The following ACOXL variants were observed in gnomAD, a reference collection of about 807,000 sequenced individuals.
The protein encoded by ACOXL is acyl-CoA oxidase like, also known as acyl-coenzyme A oxidase-like protein.
Under a neutral mutation model 71.9 loss-of-function variants are expected in ACOXL, and 70 were observed. That is an observed-to-expected ratio of 0.97 (90% CI 0.80 to 1.19). The LOEUF (loss-of-function observed/expected upper bound fraction) is 1.19. ACOXL is among the 50% of genes most tolerant of loss of function. ACOXL has a pLI of 0.00. For synonymous variants in ACOXL, 253 were observed against 281.6 expected (o/e 0.90, Z 1.02); for missense variants, 703 against 736.3 (o/e 0.95, Z 0.52).
chr2:110,771,552 A>G (rs963382335), intron 2 of ACOXL, among the ~76,000 whole-genome samples: 1 of 152,262 alleles, frequency 6.6e-6, no homozygotes, highest in African/African-American at 2.4e-5. Context: ...TCCGCAGGCC[A>G]AGAATAAACC....
At chr2:111,027,004 C>T (rs1035161375) in intron 14 of ACOXL, among the ~76,000 whole-genome samples, 1 of 151,966 alleles carries the variant, frequency 6.6e-6, no homozygotes, top group African/African-American at 2.4e-5. Context: ...TCAGGTGATA[C>T]TTCCACTTCA....
intron 1 of ACOXL, among the ~76,000 whole-genome samples, chr2:110,751,936 T>TA (rs1679022944): frequency 6.6e-6 from 1 of 152,180 alleles, no homozygotes; most frequent in African/African-American, 2.4e-5. Flanking sequence ...AGATGACTCT[T>TA]AATTAGCCAT....
intron 16 of ACOXL, among the ~76,000 whole-genome samples, chr2:111,084,004 G>A (rs1450636181): frequency 6.6e-6 from 1 of 151,886 alleles, no homozygotes; most frequent in Non-Finnish European, 1.5e-5. Context: ...AAACAGAAAT[G>A]TCATTCTGAC....
At chr2:110,803,029 G>A (rs1365098005) in intron 8 of ACOXL, among the ~76,000 whole-genome samples, 3 of 151,846 alleles carry the variant, frequency 2.0e-5, no homozygotes, top group African/African-American at 7.3e-5. Flanking sequence ...ACAAAATAAA[G>A]CAAAAAGAAA....
chr2:110,802,334 G>C (rs867563117), intron 8 of ACOXL, among the ~76,000 whole-genome samples: 4 of 152,162 alleles, frequency 2.6e-5, no homozygotes, highest in African/African-American at 9.7e-5. Flanking sequence ...AGGGGTTAAT[G>C]ATGCTTTTCA....
intron 14 of ACOXL, among the ~76,000 whole-genome samples, chr2:111,001,554 T>C (rs573187479): frequency 1.3e-5 from 2 of 152,172 alleles, no homozygotes; most frequent in African/African-American, 4.8e-5. Flanking sequence ...GTGCCCTTAT[T>C]AAGGAACTTC....
At position 110,850,938 on chromosome 2, in the gene ACOXL, A is replaced by G. The variant is rs137881334; in HGVS notation, c.788+9533A>G. On this transcript the variant is annotated intron_variant, in intron 10 of 17. Coordinates refer to ENST00000439055, the MANE Select transcript of ACOXL (RefSeq NM_001142807.4). ...TGTCCTTCCATTGGGAAGTGGGTAA[A>G]CAGACTGTGTCACTTCCATACAGTG... is the stretch of plus-strand genomic sequence containing the variant. Among the ~76,000 whole-genome samples the G allele has an allele frequency of 7.2e-5, 11 of 152,332 alleles. No individual in the cohort carries two copies. In the East Asian group the frequency reaches 2.1e-3, roughly 29 times the overall value.
intron 13 of ACOXL, among the ~76,000 whole-genome samples, chr2:110,995,518 A>AAAAAAAAAAAT (rs56805162): frequency 6.6e-6 from 1 of 150,462 alleles, no homozygotes; most frequent in African/African-American, 2.4e-5. Flanking sequence ...AAAAAAAAAA[A>AAAAAAAAAAAT]GAATTGTATA....
intron 5 of ACOXL, among the ~76,000 whole-genome samples, chr2:110,796,509 C>G (rs986453130): frequency 6.6e-6 from 1 of 152,176 alleles, no homozygotes; most frequent in African/African-American, 2.4e-5. Flanking sequence ...AGTGACAAAC[C>G]TCCTTTCCCA....
At chr2:110,996,729 C>T (rs983453454) in intron 14 of ACOXL, among the ~76,000 whole-genome samples, 12 of 152,186 alleles carry the variant, frequency 7.9e-5, no homozygotes, top group African/African-American at 2.9e-4. Context: ...TCTCCCCTTC[C>T]AGTTCACCCC....
At chr2:111,017,658 C>T (rs1055768744) in intron 14 of ACOXL, among the ~76,000 whole-genome samples, 1 of 152,226 alleles carries the variant, frequency 6.6e-6, no homozygotes, top group African/African-American at 2.4e-5. Flanking sequence ...GCAGTGCTAA[C>T]TCCAGCCTGC....
At chr2:110,746,037 C>A (rs555539773) in intron 1 of ACOXL, among the ~76,000 whole-genome samples, 1 of 152,260 alleles carries the variant, frequency 6.6e-6, no homozygotes, top group South Asian at 2.1e-4. Flanking sequence ...TAAGTCTCTT[C>A]TCTGTATCCT....
chr2:111,029,645 A>G (rs1206120267), intron 14 of ACOXL, among the ~76,000 whole-genome samples: 1 of 152,156 alleles, frequency 6.6e-6, no homozygotes, highest in African/African-American at 2.4e-5. Context: ...CTGCCTTTCC[A>G]TCAGCATGCC....
At chr2:110,924,158 A>G (rs1389679670) in intron 11 of ACOXL, among the ~76,000 whole-genome samples, 1 of 152,208 alleles carries the variant, frequency 6.6e-6, no homozygotes, top group Non-Finnish European at 1.5e-5. Context: ...GTCTGTTAAA[A>G]ATACTTTATG....
At chr2:111,105,747 T>A (rs763671743) in intron 17 of ACOXL, among the ~76,000 whole-genome samples, 25 of 152,204 alleles carry the variant, frequency 1.6e-4, no homozygotes, top group Non-Finnish European at 3.4e-4. Context: ...GAAGTTCTTA[T>A]AGATTCCTTG....
intron 9 of ACOXL, among the ~76,000 whole-genome samples, chr2:110,832,395 G>T (rs574390524): frequency 1.3e-5 from 2 of 151,938 alleles, no homozygotes; most frequent in Admixed American, 6.6e-5. Flanking sequence ...AAAATTAGCC[G>T]GGTGCGGTGG....
intron 10 of ACOXL, among the ~76,000 whole-genome samples, chr2:110,870,612 G>A (rs1018059251): frequency 2.6e-5 from 4 of 152,112 alleles, no homozygotes; most frequent in African/African-American, 9.7e-5. Context: ...CTGATTTGCA[G>A]CCAACATCAC....
At chr2:111,101,653 A>AG (rs770423287) in intron 17 of ACOXL, among the ~76,000 whole-genome samples, 2 of 145,270 alleles carry the variant, frequency 1.4e-5, no homozygotes, top group Non-Finnish European at 3.0e-5. Context: ...AATGAATTTG[A>AG]GGGAAAAAAA....
At chr2:110,918,471 A>G (rs1022292009) in intron 11 of ACOXL, among the ~76,000 whole-genome samples, 10 of 152,248 alleles carry the variant, frequency 6.6e-5, no homozygotes, top group African/African-American at 2.4e-4. Flanking sequence ...CCTAGGCAAT[A>G]CCATTCAGGA....
Sources: gnomAD v4.1 joint callset for allele counts (sites outside exome capture counted in the v4.1 genomes callset) on GRCh38, gnomAD v4.1.1 for gene constraint, MANE v1.5 for transcripts, NCBI Gene and HGNC (gene_info 2026-07-23, HGNC 2026-07-21) for gene names.